The following LRRK2 variants were observed in gnomAD, a reference collection of about 807,000 sequenced individuals.
The protein encoded by LRRK2 is leucine rich repeat kinase 2.
In LRRK2, 203 loss-of-function variants were observed where a neutral mutation model predicts 302.6. That is an observed-to-expected ratio of 0.67 (90% CI 0.60 to 0.75). The LOEUF (loss-of-function observed/expected upper bound fraction) is 0.75, where lower values mean the gene tolerates loss of function less well. Ranked by LOEUF, LRRK2 falls within the 30% of genes least tolerant of loss-of-function variation. The probability of loss-of-function intolerance (pLI) is 0.00; values close to 1 mark genes in which losing one functional copy is unlikely to be tolerated. For missense variants in LRRK2, 2,830 were observed against 2,951.0 expected, an observed-to-expected ratio of 0.96 and a Z score of 0.95; for synonymous variants, 1,066 against 1,031.9, an observed-to-expected ratio of 1.03 and a Z score of -0.63.
At chr12:40,287,642 T>A in intron 20 of LRRK2, 103 bp downstream of exon 20, 1 of 1,141,548 alleles carries the variant, frequency 8.8e-7, no homozygotes, top group Non-Finnish European at 1.3e-6. Flanking sequence ...TGGAAAAACT[T>A]GAGTAGAAAT....
At chr12:40,302,745 TG>T in intron 25 of LRRK2, 43 bp from the exon 26 acceptor site, 1 of 1,304,042 alleles carries the variant, frequency 7.7e-7, no homozygotes, top group Middle Eastern at 2.0e-4. Flanking sequence ...AATGGAAATC[TG>T]GTTAAAATGA....
chr12:40,257,516 T>A, intron 12 of LRRK2, 139 bp downstream of exon 12: 2 of 967,534 alleles, frequency 2.1e-6, no homozygotes, highest in Non-Finnish European at 3.2e-6. Context: ...TGCAATGTAA[T>A]CTCGTGTCAC....
chr12:40,301,524 G>A (rs533898775), intron 25 of LRRK2, among the ~76,000 whole-genome samples: 3 of 152,290 alleles, frequency 2.0e-5, no homozygotes, highest in East Asian at 3.9e-4. Flanking sequence ...AGACTCTGAA[G>A]TCTTAAGTGG....
rs764785286 is a variant in LRRK2 at position 40,298,477 on chromosome 12, C to T, written c.3331C>T (p.Gln1111Ter). The part of the protein sequence containing the change: ...NLTDVVEKLE[Q>*]LILEGNKISG... The stretch of plus-strand genomic sequence containing the variant: ...CACTGATGTGGTAGAGAAACTGGAG[C>T]AGCTCATTTTAGAAGGGTAAGAAAG... The change falls in exon 24 of 51, where the codon CAG (glutamine) becomes TAG (stop). Residue 1111 changes from glutamine (Q) to a stop codon, truncating the protein, a stop_gained. Coordinates refer to ENST00000298910, the MANE Select transcript of LRRK2 (RefSeq NM_198578.4). LOFTEE classifies it high-confidence loss of function. 6.2e-7 allele frequency: 1 copy of T among 1,613,748 alleles called. No individual in the cohort carries two copies. The highest frequency in any genetic ancestry group is 1.1e-5 in the South Asian group (1 of 91,046).
chr12:40,295,776 C>CT (rs1944364783), intron 23 of LRRK2, 132 bp downstream of exon 23: 1 of 818,126 alleles, frequency 1.2e-6, no homozygotes, highest in South Asian at 1.7e-5. Flanking sequence ...CCCCGTGCCT[C>CT]TGGTTTTTGC....
At chr12:40,278,065 CTA>C (rs1156536971) in intron 17 of LRRK2, 24 bp from the exon 18 acceptor site, 3 of 1,613,768 alleles carry the variant, frequency 1.9e-6, no homozygotes, top group African/African-American at 1.3e-5. Context: ...TTATCTGACT[CTA>C]ATTCTCATTT....
chr12:40,352,966 GC>G (rs2136999113), intron 44 of LRRK2, among the ~76,000 whole-genome samples: 1 of 152,352 alleles, frequency 6.6e-6, no homozygotes, highest in Non-Finnish European at 1.5e-5. Context: ...TTCTCAATGA[GC>G]TGCTGGGTAC....
rs575836172 is a variant in LRRK2 at position 40,333,616 on chromosome 12, G to T, written c.5758-1351G>T. Among the ~76,000 whole-genome samples, 3 of 152,138 alleles carry T rather than the reference G, an allele frequency of 2.0e-5. No homozygotes were observed. The East Asian group carries it at 5.9e-4, about 30-fold the overall frequency. ...CAAATACTACCACATCTTCGGAGTGGCCTGCCATGGGCCACCCTTACTAAG... is the reference window on the plus strand; with the variant it reads ...CAAATACTACCACATCTTCGGAGTGTCCTGCCATGGGCCACCCTTACTAAG... On this transcript the variant is annotated intron_variant, in intron 39 of 50. Coordinates refer to ENST00000298910, the MANE Select transcript of LRRK2 (RefSeq NM_198578.4).
intron 14 of LRRK2, among the ~76,000 whole-genome samples, chr12:40,268,889 A>G (rs144202154): frequency 0.015 from 2,263 of 152,248 alleles, 28 homozygotes; most frequent in Middle Eastern, 0.082. Flanking sequence ...AAAATAGATT[A>G]CTCAGTTACT....
intron 41 of LRRK2, among the ~76,000 whole-genome samples, chr12:40,342,964 C>A (rs1946091300): frequency 6.6e-6 from 1 of 152,136 alleles, no homozygotes; most frequent in South Asian, 2.1e-4. Flanking sequence ...ATCCTTAGGA[C>A]CCTCTGACAT....
At chr12:40,367,383 A>G (rs1237814906) in intron 50 of LRRK2, 3 of 405,620 alleles carry the variant, frequency 7.4e-6, no homozygotes, top group Non-Finnish European at 1.3e-5. Context: ...GTGTTTGAAA[A>G]AGCTTTTATT....
In LRRK2 at chr12:40,259,539, G is replaced by C; in HGVS notation, c.1478G>C (p.Arg493Pro). ...CCCAAAATACTAACAGTTATGAAAC[G>C]TCATGAGACATCATTACCAGTGCAG... ...VVPKILTVMK[R>P]HETSLPVQLE... is the part of the protein sequence containing the mutation. The change falls in exon 13 of 51, where the codon CGT becomes CCT. Residue 493 changes from arginine (R) to proline (P), a missense_variant. By Grantham distance (103) the Arg-to-Pro change is moderately radical (BLOSUM62 -2). Transcript: ENST00000298910. 6.2e-7 allele frequency: 1 copy of C among 1,613,288 alleles called. No homozygotes were observed.
At chr12:40,326,466 A>G (rs963531517) in intron 38 of LRRK2, among the ~76,000 whole-genome samples, 1 of 138,050 alleles carries the variant, frequency 7.2e-6, no homozygotes, top group Non-Finnish European at 1.6e-5. Flanking sequence ...ACTCTGTCTC[A>G]AAAAAAAAAA....
chr12:40,265,856 C>A (rs186675266), intron 14 of LRRK2, among the ~76,000 whole-genome samples: 3,330 of 152,214 alleles, frequency 0.022, 48 homozygotes, highest in Non-Finnish European at 0.035. Flanking sequence ...CGCATATCTA[C>A]AACCATCTGA....
intron 19 of LRRK2, among the ~76,000 whole-genome samples, chr12:40,285,376 A>G (rs552725758): frequency 2.0e-5 from 3 of 152,262 alleles, no homozygotes; most frequent in South Asian, 2.1e-4. Flanking sequence ...TGTTTTGCAC[A>G]TAGTAGATTA....
intron 38 of LRRK2, among the ~76,000 whole-genome samples, chr12:40,327,558 G>A (rs777221867): frequency 5.3e-5 from 8 of 152,210 alleles, no homozygotes; most frequent in African/African-American, 1.9e-4. Flanking sequence ...GGATTTAGGG[G>A]CCACTATATG....
rs1249665283 is a variant in LRRK2, at chr12:40,321,188, G to A, written c.5170G>A (p.Glu1724Lys). 1 of 1,610,750 alleles carries A rather than the reference G, an allele frequency of 6.2e-7. No individual in the cohort carries two copies. Among genetic ancestry groups the A allele is most frequent in the Non-Finnish European group, 8.5e-7 (1 of 1,177,814 alleles). The part of the protein sequence containing the change: ...EISPYMLSGR[E>K]RALRPNRMYW... ...TTCACCTTACATGCTTTCAGGGAGA[G>A]GTAAGTATCTAATGAAGACTTATTA... The change falls in exon 35 of 51, where the codon GAA becomes AAA. Residue 1724 changes from glutamate (E) to lysine (K), a missense_variant and splice_region_variant. Around this residue, in one of 3 missense-constraint regions of LRRK2, gnomAD observed 2,121 missense variants for 2,148.0 expected, o/e 0.99. Coordinates refer to ENST00000298910, the MANE Select transcript of LRRK2 (RefSeq NM_198578.4).
chr12:40,241,322 T>C (rs982079081), intron 6 of LRRK2, among the ~76,000 whole-genome samples: 2 of 152,198 alleles, frequency 1.3e-5, no homozygotes, highest in African/African-American at 2.4e-5. Flanking sequence ...TTGAATTTTA[T>C]TGTGACTCTT....
At chr12:40,230,155 A>G (rs1345802747) in intron 2 of LRRK2, among the ~76,000 whole-genome samples, 1 of 152,252 alleles carries the variant, frequency 6.6e-6, no homozygotes, top group African/African-American at 2.4e-5. Flanking sequence ...AGAAATAGCT[A>G]TCAGAAATTG....
Sources: allele counts gnomAD v4.1 joint callset (sites outside exome capture counted in the v4.1 genomes callset), GRCh38; gene constraint gnomAD v4.1.1; regional missense constraint gnomAD v4.1.1; transcripts MANE v1.5; gene names NCBI Gene and HGNC (gene_info 2026-07-23, HGNC 2026-07-21).